The following DSCAML1 variants were observed in gnomAD, a reference collection of about 807,000 sequenced individuals.
The protein encoded by DSCAML1 is DS cell adhesion molecule like 1.
In DSCAML1, 38 loss-of-function variants were observed where a neutral mutation model predicts 200.5. That is an observed-to-expected ratio of 0.19 (90% CI 0.15 to 0.25). The LOEUF is 0.25. DSCAML1 is among the 10% of genes least tolerant of loss of function. The pLI is 1.00. For missense variants in DSCAML1, 2,223 were observed against 2,858.8 expected, an observed-to-expected ratio of 0.78 and a Z score of 5.07; for synonymous variants, 1,215 against 1,165.0, an observed-to-expected ratio of 1.04 and a Z score of -0.87.
At chr11:117,524,706 TG>T in intron 5 of DSCAML1, 98 bp downstream of exon 5, 1 of 1,415,270 alleles carries the variant, frequency 7.1e-7, no homozygotes, top group Non-Finnish European at 9.5e-7. Flanking sequence ...TCCCAGGGCC[TG>T]GTCAGAGACA....
chr11:117,731,309 G>A (rs11601682), intron 3 of DSCAML1, among the ~76,000 whole-genome samples: 104 of 152,162 alleles, frequency 6.8e-4, no homozygotes, highest in Middle Eastern at 3.4e-3. Flanking sequence ...AAGTTATGAC[G>A]CCAGAACAGG....
chr11:117,724,514 G>A (rs550298697), intron 3 of DSCAML1, among the ~76,000 whole-genome samples: 9 of 152,168 alleles, frequency 5.9e-5, no homozygotes, highest in Non-Finnish European at 1.3e-4. Flanking sequence ...CAGCCCTCTT[G>A]CTACTCTTTA....
chr11:117,439,897 G>A lies in DSCAML1; in HGVS notation c.3902C>T (p.Thr1301Ile), dbSNP rs1196493605. Residue 1301 changes from threonine (T) to isoleucine (I), a missense_variant, in exon 22 of 33, where the codon ACA (threonine) becomes ATA (isoleucine). Physicochemically the swap from Thr to Ile is moderately conservative, Grantham distance 89 (BLOSUM62 -1). This residue lies in a region of DSCAML1 where 614 missense variants were observed against 739.1 expected (regional missense o/e 0.83). Coordinates refer to ENST00000651296, the MANE Select transcript of DSCAML1 (RefSeq NM_020693.4). ...KIISFGGTVTTPWMKDVRLPC... is the reference protein window; with the variant it reads ...KIISFGGTVTIPWMKDVRLPC... ...CAGCCGAACATCTTTCATCCAAGGT[G>A]TTGTCACGGTGCCCCCAAAGGAGAT... The A allele has an allele frequency of 1.2e-6, 2 of 1,614,218 alleles. No individual in the cohort carries two copies. Among genetic ancestry groups the A allele is most frequent in the Admixed American group, 3.3e-5 (2 of 60,022 alleles).
In DSCAML1 at chr11:117,505,748, G is replaced by C. The variant is rs763855245; in HGVS notation, c.1784-16C>G. 6.2e-7 allele frequency: 1 copy of C among 1,601,672 alleles called. No individual in the cohort carries two copies. Among genetic ancestry groups the C allele is most frequent in the East Asian group, 2.2e-5 (1 of 44,678 alleles). Reference sequence around the variant, plus strand: ...AGAGGGGGCACTGGGAAGGCAAGCGGGTGCTGCCGTCAGGACCCTGTGCAT... The same window carrying C: ...AGAGGGGGCACTGGGAAGGCAAGCGCGTGCTGCCGTCAGGACCCTGTGCAT... On this transcript the variant is annotated splice_polypyrimidine_tract_variant and intron_variant, in intron 8 of 32. Transcript: ENST00000651296. This position sits in a 1 kb window ranked among gnomAD's most constrained non-coding sequence, Gnocchi z 6.7.
chr11:117,444,177 C>T (rs181998496), intron 20 of DSCAML1, 138 bp from the exon 21 acceptor site: 63 of 1,094,168 alleles, frequency 5.8e-5, no homozygotes, highest in East Asian at 8.2e-5. Context: ...TTTGCCCTTT[C>T]CAAGTTTTAG....
chr11:117,717,870 C>T (rs2053979487), intron 3 of DSCAML1, among the ~76,000 whole-genome samples: 1 of 152,166 alleles, frequency 6.6e-6, no homozygotes, highest in Non-Finnish European at 1.5e-5. Flanking sequence ...CGAGGCAATG[C>T]TGGGATGGGC....
At chr11:117,757,116 C>T (rs2054706845) in intron 3 of DSCAML1, among the ~76,000 whole-genome samples, 1 of 151,968 alleles carries the variant, frequency 6.6e-6, no homozygotes, top group Non-Finnish European at 1.5e-5. Context: ...TTTAGTCCCC[C>T]CATCTAAGAA....
At chr11:117,468,568 G>A (rs2048628006) in intron 16 of DSCAML1, among the ~76,000 whole-genome samples, 1 of 152,164 alleles carries the variant, frequency 6.6e-6, no homozygotes, top group Non-Finnish European at 1.5e-5. Flanking sequence ...ACGCAGCCAA[G>A]AGTTTGGGAT....
chr11:117,725,594 TATC>T (rs2054112710), intron 3 of DSCAML1, among the ~76,000 whole-genome samples: 1 of 152,172 alleles, frequency 6.6e-6, no homozygotes, highest in African/African-American at 2.4e-5. Context: ...AGTGAAAACA[TATC>T]ATCCGTTCCG....
At chr11:117,745,942 C>A (rs532471401) in intron 3 of DSCAML1, among the ~76,000 whole-genome samples, 2 of 152,060 alleles carry the variant, frequency 1.3e-5, no homozygotes, top group Admixed American at 1.3e-4. Flanking sequence ...AGGCCAGGCG[C>A]GGTGGCTCAC....
chr11:117,797,333 C>A (rs1421255674), upstream of DSCAML1: 3 of 1,261,956 alleles, frequency 2.4e-6, no homozygotes, highest in South Asian at 2.3e-5. Flanking sequence ...CGCGCGAGCC[C>A]GGAGCCCAGA....
chr11:117,444,955 G>A (rs1350414149), intron 20 of DSCAML1, among the ~76,000 whole-genome samples: 1 of 152,122 alleles, frequency 6.6e-6, no homozygotes, highest in African/African-American at 2.4e-5. Flanking sequence ...AAAACAGAGC[G>A]GAAGTCCAGG....
intron 11 of DSCAML1, among the ~76,000 whole-genome samples, chr11:117,499,034 A>G (rs529041315): frequency 6.0e-4 from 91 of 152,280 alleles, no homozygotes; most frequent in African/African-American, 2.2e-3. Flanking sequence ...GGGCACTGCC[A>G]TTCGATGGCT....
At chr11:117,502,410 C>T (rs7932097) in intron 11 of DSCAML1, among the ~76,000 whole-genome samples, 67,219 of 152,072 alleles carry the variant, frequency 0.44, 15,003 homozygotes, top group South Asian at 0.59. Flanking sequence ...CCCCGCCTCG[C>T]GCAGCCAGAA....
At chr11:117,608,971 A>T (rs4938419) in intron 3 of DSCAML1, among the ~76,000 whole-genome samples, 37,189 of 151,582 alleles carry the variant, frequency 0.25, 4,809 homozygotes, top group East Asian at 0.36. Context: ...GTTTGACACC[A>T]GCCTGGCCAA....
intron 3 of DSCAML1, among the ~76,000 whole-genome samples, chr11:117,737,233 C>A (rs944248760): frequency 6.6e-5 from 10 of 152,254 alleles, no homozygotes; most frequent in African/African-American, 2.4e-4. Context: ...ATTTTCACTT[C>A]TTTCATCCTT....
intron 11 of DSCAML1, among the ~76,000 whole-genome samples, chr11:117,501,259 C>T (rs1208159996): frequency 6.6e-6 from 1 of 152,132 alleles, no homozygotes; most frequent in East Asian, 1.9e-4. Context: ...TTACTTGGAA[C>T]AGGCACCTGC....
rs148829010 is a variant in DSCAML1 at position 117,776,889 on chromosome 11, C to T, written c.413G>A (p.Arg138His). 45 of 1,614,142 alleles carry T rather than the reference C, an allele frequency of 2.8e-5. No homozygotes were observed. The highest frequency in any genetic ancestry group is 1.7e-4 in the Middle Eastern group (1 of 6,042). ...GCACTTGAAGACGGCCACGTTGCCACGCATTGACCTTTGATCCTCCACCCG... is the reference window on the plus strand; with the variant it reads ...GCACTTGAAGACGGCCACGTTGCCATGCATTGACCTTTGATCCTCCACCCG... ...TVRVEDQRSM[R>H]GNVAVFKCLI... The change falls in exon 3 of 33, where the codon CGT becomes CAT. Residue 138 changes from arginine to histidine, a missense_variant. Coordinates refer to ENST00000651296, the MANE Select transcript of DSCAML1 (RefSeq NM_020693.4).
chr11:117,537,927 C>T (rs1162057591), intron 3 of DSCAML1, among the ~76,000 whole-genome samples: 2 of 152,156 alleles, frequency 1.3e-5, no homozygotes, highest in East Asian at 3.9e-4. Flanking sequence ...TTAAAGCCAC[C>T]CAGTTTGCAG....
Sources: allele counts gnomAD v4.1 joint callset (sites outside exome capture counted in the v4.1 genomes callset), GRCh38; gene constraint gnomAD v4.1.1; regional missense constraint gnomAD v4.1.1; non-coding constraint Gnocchi (gnomAD v3.1); transcripts MANE v1.5; gene names NCBI Gene and HGNC (gene_info 2026-07-23, HGNC 2026-07-21).